The following UBE2H variants were observed in gnomAD, a reference collection of about 807,000 sequenced individuals.
The protein encoded by UBE2H is ubiquitin-conjugating enzyme E2 H.
Under a neutral mutation model 29.0 loss-of-function variants are expected in UBE2H, and 3 were observed. The ratio of observed to expected loss-of-function variants is 0.10; its 90% confidence interval spans 0.05 to 0.27. The LOEUF (loss-of-function observed/expected upper bound fraction) is 0.27, where lower values mean the gene tolerates loss of function less well. Among genes scored for constraint, UBE2H ranks in the 10% least tolerant of loss-of-function variants. The pLI is 1.00. For synonymous variants in UBE2H, 69 were observed against 82.9 expected, an observed-to-expected ratio of 0.83 and a Z score of 0.91; for missense variants, 68 against 228.2, an observed-to-expected ratio of 0.30 and a Z score of 4.52.
chr7:129,857,283 A>T (rs1457261598), intron 5 of UBE2H: 2 of 557,344 alleles, frequency 3.6e-6, no homozygotes, highest in African/African-American at 3.8e-5. Flanking sequence ...GTATCACTAT[A>T]CCTTAAGTTT....
chr7:129,867,003 G>T (rs1025891334), intron 3 of UBE2H, among the ~76,000 whole-genome samples: 2 of 152,178 alleles, frequency 1.3e-5, no homozygotes, highest in Non-Finnish European at 2.9e-5. Context: ...TCATCTTACT[G>T]TCTTCATCCT....
chr7:129,842,546 A>T (rs1563019131), intron 5 of UBE2H, among the ~76,000 whole-genome samples: 1 of 152,192 alleles, frequency 6.6e-6, no homozygotes, highest in Non-Finnish European at 1.5e-5. Flanking sequence ...TTATTTTCTT[A>T]TCTTTATCCT....
At chr7:129,843,201 G>A (rs1305928273) in intron 5 of UBE2H, among the ~76,000 whole-genome samples, 4 of 151,812 alleles carry the variant, frequency 2.6e-5, no homozygotes, top group Non-Finnish European at 5.9e-5. Flanking sequence ...GGGTTTCACC[G>A]TGTTAGCCAG....
intron 5 of UBE2H, among the ~76,000 whole-genome samples, chr7:129,849,256 T>G (rs1316284400): frequency 2.0e-5 from 3 of 152,142 alleles, no homozygotes; most frequent in Non-Finnish European, 4.4e-5. Context: ...AAGAAACAGT[T>G]TTGAGATTAA....
chr7:129,896,801 C>A (rs1001929600), intron 1 of UBE2H, among the ~76,000 whole-genome samples: 1 of 152,184 alleles, frequency 6.6e-6, no homozygotes, highest in Non-Finnish European at 1.5e-5. Context: ...TAAGTCAGTG[C>A]ACAAAAATCT....
intron 1 of UBE2H, among the ~76,000 whole-genome samples, chr7:129,893,678 G>A (rs1368464004): frequency 1.3e-5 from 2 of 152,206 alleles, no homozygotes; most frequent in East Asian, 3.8e-4. Context: ...GAAGGCTATC[G>A]ATGAAATATC....
chr7:129,861,181 G>A (rs1805794235), intron 3 of UBE2H, among the ~76,000 whole-genome samples: 2 of 151,596 alleles, frequency 1.3e-5, no homozygotes, highest in East Asian at 1.9e-4. Context: ...CCAAGATCAC[G>A]CCACTGCACT....
At chr7:129,893,286 T>C (rs1806538384) in intron 1 of UBE2H, among the ~76,000 whole-genome samples, 1 of 152,150 alleles carries the variant, frequency 6.6e-6, no homozygotes, top group African/African-American at 2.4e-5. Context: ...AAATGTTACT[T>C]AAATAGGAAA....
intron 5 of UBE2H, among the ~76,000 whole-genome samples, chr7:129,854,060 G>GGTTTTTTTTTTTTTTTTTATTTTTTATTT (rs1554430936): frequency 1.0e-5 from 1 of 100,312 alleles, no homozygotes; most frequent in East Asian, 2.7e-4. Flanking sequence ...TTTAGTGTTA[G>GGTTTTTTTTTTTTTTTTTATTTTTTATTT]TTTTTTTTTT....
intron 5 of UBE2H, among the ~76,000 whole-genome samples, chr7:129,850,317 C>T (rs182327267): frequency 3.2e-4 from 49 of 151,902 alleles, no homozygotes; most frequent in African/African-American, 1.1e-3. Context: ...CAGTGAGCCA[C>T]GCTGCACTCC....
chr7:129,950,576 A>G (rs1234756207), intron 1 of UBE2H, among the ~76,000 whole-genome samples: 1 of 152,164 alleles, frequency 6.6e-6, no homozygotes, highest in Non-Finnish European at 1.5e-5. Context: ...AATCTTTTAA[A>G]AATATGTCTA....
At chr7:129,902,344 CAA>C (rs918879765) in intron 1 of UBE2H, among the ~76,000 whole-genome samples, 1 of 152,054 alleles carries the variant, frequency 6.6e-6, no homozygotes, top group African/African-American at 2.4e-5. Context: ...ACTAAAAATA[CAA>C]AAAAATTAGC....
chr7:129,900,160 A>T (rs1353830238), intron 1 of UBE2H, among the ~76,000 whole-genome samples: 1 of 152,054 alleles, frequency 6.6e-6, no homozygotes, highest in African/African-American at 2.4e-5. Context: ...TAATAAAATA[A>T]ATCTATGCCC....
Position 129,832,837 on chromosome 7 carries a change from C to T in UBE2H, c.*2100G>A, listed in dbSNP as rs1219152322. The T allele has an allele frequency of 6.6e-6, 1 of 152,020 alleles. No individual in the cohort carries two copies. The highest frequency in any genetic ancestry group is 1.5e-5 in the Non-Finnish European group (1 of 68,028). The allele number at this position is 152,020 out of a possible 1,614,324, so 9.4% of individuals were successfully genotyped here. On this transcript the variant is annotated 3_prime_UTR_variant, in exon 7 of 7. Transcript: ENST00000355621. ...TATTGTTTGAACTCAAATCACCACC[C>T]AGCACTTTAAGCCTACCCTAAATAG...
rs901000536 is a variant in UBE2H at position 129,952,771 on chromosome 7, G to C, written c.-216C>G. The stretch of plus-strand genomic sequence containing the variant: ...GTGGGGACCCTGCGGCGCCCGGCTC[G>C]GGCTGCCCCTCTCCGGCTGTGGTTC... On this transcript the variant is annotated 5_prime_UTR_variant, in exon 1 of 7. Coordinates refer to ENST00000355621, the MANE Select transcript of UBE2H (RefSeq NM_003344.4). 8.3e-6 allele frequency: 3 copies of C among 362,316 alleles called. No homozygotes were observed. The highest frequency in any genetic ancestry group is 9.6e-6 in the Non-Finnish European group (2 of 209,302). 22.4% of individuals were successfully genotyped at this position (362,316 alleles called of 1,614,324 possible). A position where few individuals can be genotyped will look rare whatever the true frequency, so the allele number is the denominator to read the frequency against.
intron 1 of UBE2H, among the ~76,000 whole-genome samples, chr7:129,902,505 A>C (rs1806737089): frequency 6.6e-6 from 1 of 152,180 alleles, no homozygotes. Flanking sequence ...ATCTCAAACA[A>C]ACAAAAAACC....
intron 1 of UBE2H, among the ~76,000 whole-genome samples, chr7:129,928,739 C>T (rs528101914): frequency 6.5e-4 from 99 of 152,136 alleles, no homozygotes; most frequent in Non-Finnish European, 1.2e-3. Flanking sequence ...ACATTGAATA[C>T]ATCTATAGAA....
chr7:129,878,591 A>C (rs1313086852), intron 3 of UBE2H, among the ~76,000 whole-genome samples: 1 of 150,426 alleles, frequency 6.6e-6, no homozygotes, highest in Non-Finnish European at 1.5e-5. Context: ...GCTGAGGCAG[A>C]AGAATGGCGT....
intron 3 of UBE2H, among the ~76,000 whole-genome samples, chr7:129,874,933 A>G (rs574947774): frequency 6.6e-6 from 1 of 152,298 alleles, no homozygotes; most frequent in South Asian, 2.1e-4. Flanking sequence ...ACTTATACAC[A>G]CACATAATTA....
Sources: gnomAD v4.1 joint callset for allele counts (sites outside exome capture counted in the v4.1 genomes callset) on GRCh38, gnomAD v4.1.1 for gene constraint, MANE v1.5 for transcripts, NCBI Gene and HGNC (gene_info 2026-07-23, HGNC 2026-07-21) for gene names.